Variants in BRINP3 observed in about 807,000 individuals in gnomAD.
BRINP3 encodes BMP/retinoic acid inducible neural specific 3, also known as BMP/retinoic acid-inducible neural-specific protein 3.
A neutral mutation model predicts 71.0 loss-of-function variants in BRINP3; 19 were observed. That is an observed-to-expected ratio of 0.27 (90% CI 0.19 to 0.39). BRINP3 has a LOEUF of 0.39. BRINP3 is among the 10% of genes least tolerant of loss of function. The probability of loss-of-function intolerance (pLI) is 1.00; values close to 1 mark genes in which losing one functional copy is unlikely to be tolerated. For missense variants in BRINP3, 959 were observed against 940.8 expected, an observed-to-expected ratio of 1.02 and a Z score of -0.25; for synonymous variants, 380 against 337.7, an observed-to-expected ratio of 1.13 and a Z score of -1.37.
At chr1:190,110,044 T>C (rs376542248) in intron 7 of BRINP3, among the ~76,000 whole-genome samples, 3 of 152,230 alleles carry the variant, frequency 2.0e-5, no homozygotes, top group Non-Finnish European at 2.9e-5. Flanking sequence ...TCTATTCTAT[T>C]GGCTCTGTCT....
At chr1:190,291,838 G>A (rs1663892336) in intron 2 of BRINP3, among the ~76,000 whole-genome samples, 1 of 152,144 alleles carries the variant, frequency 6.6e-6, no homozygotes, top group African/African-American at 2.4e-5. Context: ...AGAGATATCT[G>A]CACTTCCATG....
chr1:190,374,295 T>C (rs1391813881), intron 2 of BRINP3, among the ~76,000 whole-genome samples: 1 of 152,170 alleles, frequency 6.6e-6, no homozygotes, highest in Non-Finnish European at 1.5e-5. Context: ...TCTGTCTGTC[T>C]GTCTCTCTGA....
chr1:190,434,114 A>T (rs376176402), intron 2 of BRINP3, among the ~76,000 whole-genome samples: 6 of 145,030 alleles, frequency 4.1e-5, no homozygotes, highest in South Asian at 4.3e-4. Context: ...TTATTTATTT[A>T]TTTTTATTTA....
At chr1:190,458,302 A>G (rs960563472) in intron 1 of BRINP3, among the ~76,000 whole-genome samples, 3 of 152,122 alleles carry the variant, frequency 2.0e-5, no homozygotes, top group Non-Finnish European at 4.4e-5. Flanking sequence ...AACTTTATAA[A>G]GATATTTTGT....
At chr1:190,256,054 C>T (rs941064533) in intron 4 of BRINP3, among the ~76,000 whole-genome samples, 3 of 152,152 alleles carry the variant, frequency 2.0e-5, no homozygotes. Context: ...GCCAGTTGTT[C>T]AGTTTCCATG....
At chr1:190,107,667 T>G (rs1384253531) in intron 7 of BRINP3, among the ~76,000 whole-genome samples, 1 of 151,988 alleles carries the variant, frequency 6.6e-6, no homozygotes, top group Non-Finnish European at 1.5e-5. Flanking sequence ...AATTGGAGTA[T>G]GATCTCCTAA....
intron 2 of BRINP3, among the ~76,000 whole-genome samples, chr1:190,402,176 T>C (rs1294877802): frequency 2.0e-5 from 3 of 152,112 alleles, no homozygotes; most frequent in Non-Finnish European, 4.4e-5. Flanking sequence ...TGTAGGCGTG[T>C]ATAACAATAA....
intron 2 of BRINP3, among the ~76,000 whole-genome samples, chr1:190,306,664 GT>G (rs935792354): frequency 1.1e-4 from 16 of 148,026 alleles, no homozygotes; most frequent in East Asian, 4.0e-4. Flanking sequence ...GGATGGATCA[GT>G]TTTTTTTTTA....
At chr1:190,416,437 GC>G (rs1673007646) in intron 2 of BRINP3, among the ~76,000 whole-genome samples, 1 of 152,102 alleles carries the variant, frequency 6.6e-6, no homozygotes. Flanking sequence ...CATAACTGCT[GC>G]CCCTAGAGGA....
chr1:190,097,903 G>T lies in BRINP3; in HGVS notation c.*115C>A. ...AAATTGCCATCCAATGTTATTGACT[G>T]ATATAAGACAGATATTGAAAAGACA... On this transcript the variant is annotated 3_prime_UTR_variant, in exon 8 of 8. Transcript: ENST00000367462. The T allele has an allele frequency of 8.8e-7, 1 of 1,137,176 alleles. No individual in the cohort carries two copies. Among genetic ancestry groups the T allele is most frequent in the Non-Finnish European group, 1.2e-6 (1 of 803,416 alleles). The allele number at this position is 1,137,176 out of a possible 1,614,324, so 70.4% of individuals were successfully genotyped here. A position where few individuals can be genotyped will look rare whatever the true frequency, so the allele number is the denominator to read the frequency against.
intron 2 of BRINP3, among the ~76,000 whole-genome samples, chr1:190,392,771 G>A (rs1047499666): frequency 6.6e-6 from 1 of 151,504 alleles, no homozygotes; most frequent in Non-Finnish European, 1.5e-5. Context: ...TGAGTACACT[G>A]TAAGGGGAAA....
intron 7 of BRINP3, among the ~76,000 whole-genome samples, chr1:190,159,477 A>G (rs541310464): frequency 4.3e-4 from 65 of 152,252 alleles, no homozygotes; most frequent in African/African-American, 1.4e-3. Context: ...ATCTTCATCA[A>G]GTGATGAACG....
chr1:190,342,372 G>A (rs1354937702), intron 2 of BRINP3: 1 of 94,744 alleles, frequency 1.1e-5, no homozygotes, highest in Non-Finnish European at 2.1e-5. Context: ...AGGGCTTTCT[G>A]TGCAAAAAAA....
rs536195701 is a variant in BRINP3 at position 190,294,428 on chromosome 1, T to A, written c.237-12678A>T. ...GCATGTGTTACCATGCCTGACTAATTTTTTGTAGAGATAGGGTCTCACTTT... is the reference window on the plus strand; with the variant it reads ...GCATGTGTTACCATGCCTGACTAATATTTTGTAGAGATAGGGTCTCACTTT... On this transcript the variant is annotated intron_variant, in intron 2 of 7. Transcript: ENST00000367462. Among the ~76,000 whole-genome samples, 21 of 152,018 alleles carry A rather than the reference T, an allele frequency of 1.4e-4. 1 individual carries two copies. The East Asian group carries it at 3.7e-3, about 27-fold the overall frequency.
chr1:190,262,916 T>C (rs917844150), intron 4 of BRINP3, among the ~76,000 whole-genome samples: 1 of 152,126 alleles, frequency 6.6e-6, no homozygotes, highest in Non-Finnish European at 1.5e-5. Context: ...TGTGTGTATA[T>C]ATATATATTT....
At chr1:190,385,990 C>T (rs528832549) in intron 2 of BRINP3, among the ~76,000 whole-genome samples, 2 of 145,818 alleles carry the variant, frequency 1.4e-5, no homozygotes, top group Non-Finnish European at 3.0e-5. Context: ...AACAAAAAAC[C>T]AAACACCGCA....
intron 2 of BRINP3, among the ~76,000 whole-genome samples, chr1:190,408,210 T>A (rs1360720160): frequency 9.6e-5 from 13 of 135,106 alleles, no homozygotes; most frequent in Admixed American, 2.2e-4. Flanking sequence ...TTTATTTTTT[T>A]TTTTTTTGTA....
At chr1:190,174,369 T>C (rs542499551) in intron 6 of BRINP3, among the ~76,000 whole-genome samples, 4 of 152,122 alleles carry the variant, frequency 2.6e-5, no homozygotes, top group Non-Finnish European at 4.4e-5. Context: ...AGAAAAAATA[T>C]AAAACTGAAA....
chr1:190,362,479 T>C (rs1382010843), intron 2 of BRINP3, among the ~76,000 whole-genome samples: 1 of 152,162 alleles, frequency 6.6e-6, no homozygotes, highest in Non-Finnish European at 1.5e-5. Flanking sequence ...GAAGAAATAA[T>C]GTAAGCAAAA....
Sources: gnomAD v4.1 joint callset for allele counts (sites outside exome capture counted in the v4.1 genomes callset) on GRCh38, gnomAD v4.1.1 for gene constraint, MANE v1.5 for transcripts, NCBI Gene and HGNC (gene_info 2026-07-23, HGNC 2026-07-21) for gene names.